Variants in RXFP1 observed in about 807,000 individuals in gnomAD.
RXFP1 encodes relaxin receptor 1.
RXFP1 carries 73 observed loss-of-function variants against 89.8 expected under a neutral mutation model. The ratio of observed to expected loss-of-function variants is 0.81; its 90% CI spans 0.67 to 0.99. The LOEUF is 0.99. Among genes scored for constraint, RXFP1 ranks in the 50% least tolerant of loss-of-function variants. The probability of loss-of-function intolerance (pLI) is 0.00; values close to 1 mark genes in which losing one functional copy is unlikely to be tolerated. For missense variants in RXFP1, 793 were observed against 895.5 expected (o/e 0.89, Z 1.46); for synonymous variants, 277 against 305.5 (o/e 0.91, Z 0.97).
intron 9 of RXFP1, among the ~76,000 whole-genome samples, chr4:158,619,443 G>A (rs989396916): frequency 6.6e-6 from 1 of 152,212 alleles, no homozygotes; most frequent in African/African-American, 2.4e-5. Context: ...AGGATGAAGA[G>A]TTGGCTGGCG....
chr4:158,593,686 TTAAC>T (rs779558875), intron 3 of RXFP1, among the ~76,000 whole-genome samples, 187 bp downstream of exon 3: 47 of 152,294 alleles, frequency 3.1e-4, no homozygotes, highest in African/African-American at 6.7e-4. Context: ...ATATACAACT[TTAAC>T]TAGGAAAATT....
At chr4:158,546,333 G>C (rs1377044174) in intron 1 of RXFP1, among the ~76,000 whole-genome samples, 8 of 152,184 alleles carry the variant, frequency 5.3e-5, no homozygotes, top group Admixed American at 1.3e-4. Flanking sequence ...TTGCTTATCA[G>C]CTTAAAGAGA....
chr4:158,568,089 T>A (rs1754085995), intron 1 of RXFP1, among the ~76,000 whole-genome samples: 1 of 152,160 alleles, frequency 6.6e-6, no homozygotes, highest in South Asian at 2.1e-4. Context: ...TTATGAGCTG[T>A]AATACTCACC....
intron 3 of RXFP1, among the ~76,000 whole-genome samples, chr4:158,595,415 T>C (rs892322699): frequency 3.3e-5 from 5 of 152,234 alleles, no homozygotes; most frequent in Non-Finnish European, 7.3e-5. Flanking sequence ...TGTTCTTTTT[T>C]TCCTATATAG....
At chr4:158,649,216 ATACAAT>A (rs1772148788) in intron 17 of RXFP1, among the ~76,000 whole-genome samples, 1 of 152,228 alleles carries the variant, frequency 6.6e-6, no homozygotes. Flanking sequence ...ATGCCTAACA[ATACAAT>A]TACTATGGAA....
chr4:158,543,264 T>A (rs1444248034), intron 1 of RXFP1, among the ~76,000 whole-genome samples: 2 of 152,176 alleles, frequency 1.3e-5, no homozygotes. Flanking sequence ...CATTGACTCC[T>A]AATAGATGGA....
chr4:158,545,736 G>T (rs979357702), intron 1 of RXFP1, among the ~76,000 whole-genome samples: 4 of 152,228 alleles, frequency 2.6e-5, no homozygotes, highest in Non-Finnish European at 5.9e-5. Context: ...TTTTTGTCAG[G>T]TTTGTCAAAG....
At chr4:158,536,992 T>C (rs1745425033) in intron 1 of RXFP1, among the ~76,000 whole-genome samples, 1 of 148,874 alleles carries the variant, frequency 6.7e-6, no homozygotes. Context: ...GTGACTTCTA[T>C]GCCAATTTGT....
intron 4 of RXFP1, among the ~76,000 whole-genome samples, chr4:158,602,713 C>A (rs987476382): frequency 6.6e-6 from 1 of 152,046 alleles, no homozygotes; most frequent in African/African-American, 2.4e-5. Context: ...GTGCAAATGG[C>A]AGGCATTCAA....
rs1032224245 is a variant in RXFP1 at position 158,646,735 on chromosome 4, A to G, written c.1346-56A>G. ...GCATTAAAAATATTATTGCTTATTG[A>G]TGATTTTATGATACCTATTTATTTC... On this transcript the variant is annotated intron_variant, in intron 15 of 17. Coordinates refer to ENST00000307765, the MANE Select transcript of RXFP1 (RefSeq NM_021634.4). 1.5e-5 allele frequency: 22 copies of G among 1,492,472 alleles called. No homozygotes were observed. In the South Asian group the frequency reaches 2.6e-4, roughly 18 times the overall value. The allele number at this position is 1,492,472 out of a possible 1,614,324, so 92.5% of individuals were successfully genotyped here. A position where few individuals can be genotyped will look rare whatever the true frequency, so the allele number is the denominator to read the frequency against.
At chr4:158,549,124 A>G (rs1232113010) in intron 1 of RXFP1, among the ~76,000 whole-genome samples, 9 of 151,674 alleles carry the variant, frequency 5.9e-5, no homozygotes, top group African/African-American at 2.2e-4. Flanking sequence ...ACATAGTCCC[A>G]TATTTCTTGG....
chr4:158,613,165 T>C (rs1353104751), intron 8 of RXFP1, among the ~76,000 whole-genome samples: 1 of 152,214 alleles, frequency 6.6e-6, no homozygotes, highest in African/African-American at 2.4e-5. Flanking sequence ...GAGCTAACAA[T>C]CATCTGAGTT....
intron 17 of RXFP1, among the ~76,000 whole-genome samples, chr4:158,649,425 GAT>G (rs1772194015): frequency 6.6e-6 from 1 of 152,054 alleles, no homozygotes; most frequent in African/African-American, 2.4e-5. Context: ...GAGTGTGAGA[GAT>G]AATAGAAGCA....
chr4:158,604,396 T>G (rs1245848894), intron 4 of RXFP1, among the ~76,000 whole-genome samples: 4 of 152,192 alleles, frequency 2.6e-5, no homozygotes, highest in Admixed American at 1.3e-4. Context: ...TGGTTTTGGT[T>G]TTTTTATTGT....
chr4:158,534,576 C>T (rs548790030), intron 1 of RXFP1, among the ~76,000 whole-genome samples: 9 of 152,212 alleles, frequency 5.9e-5, no homozygotes, highest in African/African-American at 2.2e-4. Flanking sequence ...GAATTATTTA[C>T]ATTGCTAAAG....
At chr4:158,564,108 A>C (rs1753075811) in intron 1 of RXFP1, among the ~76,000 whole-genome samples, 1 of 152,056 alleles carries the variant, frequency 6.6e-6, no homozygotes. Flanking sequence ...GGAGTCATAA[A>C]TATGACAATT....
intron 2 of RXFP1, among the ~76,000 whole-genome samples, chr4:158,591,641 C>A (rs1427039072): frequency 6.6e-6 from 1 of 151,526 alleles, no homozygotes; most frequent in Admixed American, 6.6e-5. Flanking sequence ...CCCAGCTACT[C>A]AGGAGCCTGA....
chr4:158,544,221 A>G (rs1327715902), intron 1 of RXFP1: 1 of 985,246 alleles, frequency 1.0e-6, no homozygotes, highest in Non-Finnish European at 1.2e-6. Flanking sequence ...GCCATCTCCA[A>G]TATGTCTGTT....
At chr4:158,596,135 T>A (rs771428886) in intron 3 of RXFP1, among the ~76,000 whole-genome samples, 1 of 151,840 alleles carries the variant, frequency 6.6e-6, no homozygotes, top group Admixed American at 6.6e-5. Flanking sequence ...CAGCTAAAAG[T>A]TTTTGGGAAA....
Sources: gnomAD v4.1 joint callset for allele counts (sites outside exome capture counted in the v4.1 genomes callset) on GRCh38, gnomAD v4.1.1 for gene constraint, MANE v1.5 for transcripts, NCBI Gene and HGNC (gene_info 2026-07-23, HGNC 2026-07-21) for gene names.